CDC25A: variants seen among roughly 807,000 people sequenced by gnomAD.
CDC25A encodes the protein M-phase inducer phosphatase 1.
A neutral mutation model predicts 64.6 loss-of-function variants in CDC25A; 17 were observed. The ratio of observed to expected loss-of-function variants is 0.26; its 90% CI spans 0.18 to 0.39. The LOEUF (loss-of-function observed/expected upper bound fraction) is 0.39. Among genes scored for constraint, CDC25A ranks in the 10% least tolerant of loss-of-function variants. The probability of loss-of-function intolerance (pLI) is 1.00; values close to 1 mark genes in which losing one functional copy is unlikely to be tolerated. For missense variants in CDC25A, 473 were observed against 654.8 expected, an observed-to-expected ratio of 0.72 and a Z score of 3.03; for synonymous variants, 229 against 238.6, an observed-to-expected ratio of 0.96 and a Z score of 0.37.
Position 48,159,046 on chromosome 3 carries a change from C to G in CDC25A, c.1474G>C (p.Glu492Gln), listed in dbSNP as rs753838385. ...EPPSYRPMHH[E>Q]DFKEDLKKFR... ...TTCTTCAGGTCTTCTTTAAAGTCCT[C>G]GTGGTGCATGGGCCGGTAGCTAGGG... Residue 492 changes from glutamate (E) to glutamine (Q), a missense_variant, in exon 15 of 15, where the codon GAG becomes CAG. Glu to Gln is a conservative substitution (Grantham distance 29). Coordinates refer to ENST00000302506, the MANE Select transcript of CDC25A (RefSeq NM_001789.3). 6.2e-7 allele frequency: 1 copy of G among 1,613,954 alleles called. No homozygotes were observed. The highest frequency in any genetic ancestry group is 8.5e-7 in the Non-Finnish European group (1 of 1,180,014).
Position 48,177,456 on chromosome 3 carries a change from A to C in CDC25A, c.685-14T>G. On this transcript the variant is annotated splice_polypyrimidine_tract_variant and intron_variant, in intron 7 of 14. Coordinates refer to ENST00000302506, the MANE Select transcript of CDC25A (RefSeq NM_001789.3). Reference sequence around the variant, plus strand: ...CTCCTCCTCATTCTAAAGAAACAGAAAAACTGATTTTAAAAAGAGCCTGTA... The same window carrying C: ...CTCCTCCTCATTCTAAAGAAACAGACAAACTGATTTTAAAAAGAGCCTGTA... 1 of 1,607,666 alleles carries C rather than the reference A, an allele frequency of 6.2e-7. No homozygotes were observed. The highest frequency in any genetic ancestry group is 8.5e-7 in the Non-Finnish European group (1 of 1,174,588).
intron 9 of CDC25A, among the ~76,000 whole-genome samples, chr3:48,173,742 T>A (rs1179831828): frequency 6.6e-6 from 1 of 152,126 alleles, no homozygotes; most frequent in African/African-American, 2.4e-5. Context: ...TCTTGCAGTA[T>A]CAGAGGAAGC....
At position 48,178,079 on chromosome 3, in the gene CDC25A, C is replaced by T. The variant is rs3731512; in HGVS notation, c.550-91G>A. The T allele has an allele frequency of 4.7e-6, 6 of 1,286,652 alleles. No homozygotes were observed. The Admixed American group carries it at 9.1e-5, about 20-fold the overall frequency. The allele number at this position is 1,286,652 out of a possible 1,614,324, so 79.7% of individuals were successfully genotyped here. A position where few individuals can be genotyped will look rare whatever the true frequency, so the allele number is the denominator to read the frequency against. ...CACTAGTTTTTATGATGAAAACATA[C>T]TATGTTATACTTGTTATACAAAGCA... On this transcript the variant is annotated intron_variant, in intron 6 of 14. Coordinates refer to ENST00000302506, the MANE Select transcript of CDC25A (RefSeq NM_001789.3).
intron 12 of CDC25A, among the ~76,000 whole-genome samples, 189 bp from the exon 13 acceptor site, chr3:48,164,626 C>T (rs1023508829): frequency 2.6e-5 from 4 of 152,012 alleles, no homozygotes; most frequent in Non-Finnish European, 4.4e-5. Context: ...TTTGTGGGTC[C>T]GTACACGTTC....
At chr3:48,181,209 A>G (rs914532491) in intron 5 of CDC25A, among the ~76,000 whole-genome samples, 2 of 151,946 alleles carry the variant, frequency 1.3e-5, no homozygotes, top group African/African-American at 4.8e-5. Context: ...TCAGGGCTTC[A>G]TATTTTCCAC....
intron 4 of CDC25A, 81 bp from the exon 5 acceptor site, chr3:48,183,111 G>T (rs376448256): frequency 1.3e-5 from 12 of 955,522 alleles, no homozygotes; most frequent in African/African-American, 3.2e-5. Context: ...AGAAAAAAAA[G>T]GGGGGTTGAA....
intron 8 of CDC25A, 36 bp downstream of exon 8, chr3:48,177,335 C>A: frequency 6.5e-7 from 1 of 1,532,830 alleles, no homozygotes; most frequent in Non-Finnish European, 9.0e-7. Context: ...GCCCCAATCA[C>A]GCAGGGCTTC....
chr3:48,165,588 C>T (rs2031981659), intron 12 of CDC25A, 48 bp downstream of exon 12: 1 of 1,339,220 alleles, frequency 7.5e-7, no homozygotes, highest in East Asian at 2.3e-5. Flanking sequence ...TTTAAAACCA[C>T]AGATCCTGTT....
In CDC25A at chr3:48,182,923, A is replaced by C; in HGVS notation, c.429+6T>G. 6.3e-7 allele frequency: 1 copy of C among 1,582,656 alleles called. No homozygotes were observed. Among genetic ancestry groups the C allele is most frequent in the Non-Finnish European group, 8.7e-7 (1 of 1,151,316 alleles). On this transcript the variant is annotated splice_donor_region_variant and intron_variant, in intron 5 of 14. Coordinates refer to ENST00000302506, the MANE Select transcript of CDC25A (RefSeq NM_001789.3). ...CCTCAGGTTAGTACATTGAAGTCAC[A>C]CTCACATTTTCCTTGTTCTCATCTG...
intron 9 of CDC25A, among the ~76,000 whole-genome samples, chr3:48,168,279 G>A (rs1332540491): frequency 6.6e-6 from 1 of 150,954 alleles, no homozygotes; most frequent in Non-Finnish European, 1.5e-5. Flanking sequence ...TTGAGCCCAG[G>A]AGTTCCAGAC....
chr3:48,183,345 GCT>G (rs1339360971), intron 4 of CDC25A, among the ~76,000 whole-genome samples: 6 of 152,208 alleles, frequency 3.9e-5, no homozygotes, highest in African/African-American at 1.4e-4. Context: ...GTTTAATAAA[GCT>G]CTGTTAGAGA....
chr3:48,182,414 T>G (rs1414711038), intron 5 of CDC25A, among the ~76,000 whole-genome samples: 1 of 152,164 alleles, frequency 6.6e-6, no homozygotes, highest in Non-Finnish European at 1.5e-5. Context: ...TCATTCAGGG[T>G]AGATAACCAG....
chr3:48,169,648 T>C (rs2032188928), intron 9 of CDC25A, among the ~76,000 whole-genome samples: 1 of 152,192 alleles, frequency 6.6e-6, no homozygotes, highest in South Asian at 2.1e-4. Flanking sequence ...AAATAAACTG[T>C]AAAAGTACTT....
intron 9 of CDC25A, among the ~76,000 whole-genome samples, chr3:48,169,843 A>G (rs1180289563): frequency 6.6e-6 from 1 of 152,092 alleles, no homozygotes; most frequent in Non-Finnish European, 1.5e-5. Context: ...CCCCGTCTCT[A>G]CTAAAAATAT....
At chr3:48,165,977 G>A in intron 10 of CDC25A, 84 bp from the exon 11 acceptor site, 1 of 980,044 alleles carries the variant, frequency 1.0e-6, no homozygotes, top group Non-Finnish European at 1.6e-6. Flanking sequence ...CTGGTAGGAG[G>A]CATCTTTTAA....
chr3:48,181,624 T>A (rs1437840298), intron 5 of CDC25A: 1 of 1,391,372 alleles, frequency 7.2e-7, no homozygotes, highest in Non-Finnish European at 1.0e-6. Context: ...TCACTGGATG[T>A]TATTTAGACA....
chr3:48,187,882 C>T lies in CDC25A; in HGVS notation c.66G>A (p.Ala22=). 2 of 1,546,608 alleles carry T rather than the reference C, an allele frequency of 1.3e-6. No homozygotes were observed. The highest frequency in any genetic ancestry group is 1.2e-5 in the South Asian group (1 of 83,930). Residue 22 remains alanine, a synonymous_variant, in exon 1 of 15, where the codon GCG becomes GCA. Transcript: ENST00000302506. The part of the protein sequence containing the change: ...RLLFACSPPP[A]SQPVVKALFG... ...ATAGCGCCTTCACGACGGGCTGCGA[C>T]GCGGGAGGGGGGCTGCAGGCGAAGA...
Position 48,181,514 on chromosome 3 carries a change from C to T in CDC25A, c.430-674G>A, listed in dbSNP as rs745670064. 4 of 1,181,882 alleles carry T rather than the reference C, an allele frequency of 3.4e-6. No individual in the cohort carries two copies. In the African/African-American group the frequency reaches 4.6e-5, roughly 14 times the overall value. 73.2% of individuals were successfully genotyped at this position (1,181,882 alleles called of 1,614,324 possible). ...GGCTGAGTTCCCCGTTGCCCTTGGT[C>T]TCGGGGTCGCGGTCGGCACTGAGGC... On this transcript the variant is annotated intron_variant, in intron 5 of 14. Coordinates refer to ENST00000302506, the MANE Select transcript of CDC25A (RefSeq NM_001789.3).
chr3:48,168,065 T>C (rs2032105480), intron 9 of CDC25A, 121 bp from the exon 10 acceptor site: 10 of 601,328 alleles, frequency 1.7e-5, no homozygotes, highest in East Asian at 2.8e-5. Flanking sequence ...TAAGAAGTTT[T>C]TATTTTATTT....
Sources: allele counts gnomAD v4.1 joint callset (sites outside exome capture counted in the v4.1 genomes callset), GRCh38; gene constraint gnomAD v4.1.1; transcripts MANE v1.5; gene names NCBI Gene and HGNC (gene_info 2026-07-23, HGNC 2026-07-21).